The following NCAPH2 variants were observed in gnomAD, a reference collection of about 807,000 sequenced individuals.
NCAPH2 encodes condensin-2 complex subunit H2.
NCAPH2 carries 56 observed loss-of-function variants against 88.6 expected under a neutral mutation model. The ratio of observed to expected loss-of-function variants is 0.63; its 90% CI spans 0.51 to 0.79. The LOEUF (loss-of-function observed/expected upper bound fraction) is 0.79. Among genes scored for constraint, NCAPH2 ranks in the 30% least tolerant of loss-of-function variants. The pLI, the probability that NCAPH2 is intolerant of heterozygous loss-of-function variation, is 0.00. For missense variants in NCAPH2, 794 were observed against 792.0 expected, an observed-to-expected ratio of 1.00 and a Z score of -0.03; for synonymous variants, 378 against 313.6, an observed-to-expected ratio of 1.21 and a Z score of -2.17.
intron 1 of NCAPH2, among the ~76,000 whole-genome samples, chr22:50,514,331 C>A (rs2068860925): frequency 6.6e-6 from 1 of 151,810 alleles, no homozygotes; most frequent in African/African-American, 2.4e-5. Context: ...GCAGGAGGAG[C>A]CCTGTCAGTG....
chr22:50,519,446 G>T (rs1007372790), intron 9 of NCAPH2, 126 bp downstream of exon 9: 2 of 1,462,368 alleles, frequency 1.4e-6, no homozygotes, highest in Non-Finnish European at 1.8e-6. Flanking sequence ...GTCTGGGGCA[G>T]AAGCCCACCT....
At position 50,508,233 on chromosome 22, in the gene NCAPH2, T is replaced by C. The variant is rs2068678108; in HGVS notation, c.-105T>C. 1 of 875,818 alleles carries C rather than the reference T, an allele frequency of 1.1e-6. No individual in the cohort carries two copies. The highest frequency in any genetic ancestry group is 1.8e-5 in the African/African-American group (1 of 54,826). The allele number at this position is 875,818 out of a possible 1,614,324, so 54.3% of individuals were successfully genotyped here. ...GCGACGCCGCGCCTACGCATTTTCC[T>C]GGGCGGGAACAGCAAAATGGCGCCA... On this transcript the variant is annotated 5_prime_UTR_variant, in exon 1 of 20. Coordinates refer to ENST00000420993, the MANE Select transcript of NCAPH2 (RefSeq NM_152299.4).
At chr22:50,515,993 C>T (rs1171083561) in intron 1 of NCAPH2, among the ~76,000 whole-genome samples, 3 of 141,212 alleles carry the variant, frequency 2.1e-5, no homozygotes, top group African/African-American at 8.5e-5. Context: ...GCTGGGGCTC[C>T]GGGAGGCTGA....
intron 1 of NCAPH2, among the ~76,000 whole-genome samples, chr22:50,513,247 G>A (rs1203000301): frequency 1.3e-5 from 2 of 152,248 alleles, no homozygotes; most frequent in African/African-American, 2.4e-5. Context: ...GGCCAGGCGA[G>A]GTGGCTAACG....
At chr22:50,516,414 G>A in intron 1 of NCAPH2, 33 bp from the exon 2 acceptor site, 3 of 1,605,354 alleles carry the variant, frequency 1.9e-6, no homozygotes, top group Non-Finnish European at 1.7e-6. Flanking sequence ...ACTGGGCCTT[G>A]GATTCCCCCT....
Position 50,522,666 on chromosome 22 carries a change from C to T in NCAPH2, c.1376-5C>T, listed in dbSNP as rs778059307. Reference sequence around the variant, plus strand: ...GCTGCCCAGCTCACAGCTACCCCTTCCCAGACGCAGTGCCGATGTCCCTGA... The same window carrying T: ...GCTGCCCAGCTCACAGCTACCCCTTTCCAGACGCAGTGCCGATGTCCCTGA... On this transcript the variant is annotated splice_region_variant and splice_polypyrimidine_tract_variant and intron_variant, in intron 16 of 19. Coordinates refer to ENST00000420993, the MANE Select transcript of NCAPH2 (RefSeq NM_152299.4). 4 of 1,613,740 alleles carry T rather than the reference C, an allele frequency of 2.5e-6. No individual in the cohort carries two copies. The highest frequency in any genetic ancestry group is 3.4e-6 in the Non-Finnish European group (4 of 1,180,006).
chr22:50,512,398 G>T (rs1406469622), intron 1 of NCAPH2, among the ~76,000 whole-genome samples: 1 of 152,136 alleles, frequency 6.6e-6, no homozygotes, highest in Non-Finnish European at 1.5e-5. Flanking sequence ...TCCTGGCTTG[G>T]TCAGCTCCCT....
rs1207930523 is a variant in NCAPH2, at chr22:50,518,057, G to A, written c.500+5G>A. The A allele has an allele frequency of 6.2e-7, 1 of 1,613,922 alleles. No homozygotes were observed. The highest frequency in any genetic ancestry group is 1.7e-5 in the Admixed American group (1 of 59,980). ...GAACAACAATCCCCTGTACAGGTAG[G>A]GATCTGAGCCCAGCGACGGGGAGGG... On this transcript the variant is annotated splice_donor_5th_base_variant and intron_variant, in intron 6 of 19. Coordinates refer to ENST00000420993, the MANE Select transcript of NCAPH2 (RefSeq NM_152299.4).
At chr22:50,521,911 A>T (rs564488119) in intron 12 of NCAPH2, 63 bp downstream of exon 12, 2 of 1,613,234 alleles carry the variant, frequency 1.2e-6, no homozygotes, top group Admixed American at 1.7e-5. Flanking sequence ...GGGCCAGTGG[A>T]GGAGGATCAG....
In NCAPH2 at chr22:50,523,560, C is replaced by G. The variant is rs1230461229; in HGVS notation, c.*185C>G. On this transcript the variant is annotated 3_prime_UTR_variant, in exon 20 of 20. Transcript: ENST00000420993. ...GGGCCGCTGGTACAGATCACACACA[C>G]ACACAGATTAAACGCAGCCCGTTTA... The G allele has an allele frequency of 1.9e-6, 3 of 1,600,448 alleles. No homozygotes were observed. Among genetic ancestry groups the G allele is most frequent in the Admixed American group, 1.7e-5 (1 of 58,590 alleles).
rs748495941 is a variant in NCAPH2, at chr22:50,524,665, CCCTGCA to C, written c.*1300_*1305del. ...ATCACCAGCCTGTCACCGCACCCTG[CCCTGCA>C]CCTGCACCTCAGCAAGGTGAACCTC... On this transcript the variant is annotated 3_prime_UTR_variant, in exon 20 of 20. Transcript: ENST00000420993. The C allele has an allele frequency of 4.1e-5, 28 of 688,710 alleles. 1 individual carries two copies. Among genetic ancestry groups the C allele is most frequent in the Middle Eastern group, 2.3e-4 (1 of 4,294 alleles). The allele number at this position is 688,710 out of a possible 1,614,324, so 42.7% of individuals were successfully genotyped here. A position where few individuals can be genotyped will look rare whatever the true frequency, so the allele number is the denominator to read the frequency against.
chr22:50,523,190 A>C (rs1569521341), intron 19 of NCAPH2, 24 bp downstream of exon 19: 1 of 1,613,608 alleles, frequency 6.2e-7, no homozygotes, highest in Non-Finnish European at 8.5e-7. Context: ...GATACGTGGG[A>C]GGGGGAGACG....
chr22:50,508,461 GAGTGACGCGGGGTGGGCCGGCGGGT>G lies in NCAPH2; in HGVS notation c.108+17_108+41del. 4 of 945,548 alleles carry G rather than the reference GAGTGACGCGGGGTGGGCCGGCGGGT, an allele frequency of 4.2e-6. No individual in the cohort carries two copies. The highest frequency in any genetic ancestry group is 1.9e-5 in the South Asian group (1 of 53,554). The allele number at this position is 945,548 out of a possible 1,614,324, so 58.6% of individuals were successfully genotyped here. A position where few individuals can be genotyped will look rare whatever the true frequency, so the allele number is the denominator to read the frequency against. On this transcript the variant is annotated intron_variant, in intron 1 of 19. Transcript: ENST00000420993. The stretch of plus-strand genomic sequence containing the variant: ...TCTGGAGGAGGTAAGGGCGGCGGGG[GAGTGACGCGGGGTGGGCCGGCGGGT>G]GGGGCTGCGGGGCGGGGGCTCCGGG...
rs1226012359 is a variant in NCAPH2 at position 50,524,743 on chromosome 22, A to C, written c.*1368A>C. 1.3e-5 allele frequency: 7 copies of C among 528,212 alleles called. No homozygotes were observed. The highest frequency in any genetic ancestry group is 9.5e-5 in the East Asian group (2 of 21,022). 32.7% of individuals were successfully genotyped at this position (528,212 alleles called of 1,614,324 possible). A position where few individuals can be genotyped will look rare whatever the true frequency, so the allele number is the denominator to read the frequency against. ...AGTGCATGCCTTGCCTGAACTAACC[A>C]CGTTATCTATTTGCAATAAACCCAT... is the stretch of plus-strand genomic sequence containing the variant. On this transcript the variant is annotated 3_prime_UTR_variant, in exon 20 of 20. Transcript: ENST00000420993.
At chr22:50,513,544 A>G (rs2068841941) in intron 1 of NCAPH2, among the ~76,000 whole-genome samples, 1 of 152,254 alleles carries the variant, frequency 6.6e-6, no homozygotes, top group Non-Finnish European at 1.5e-5. Flanking sequence ...GGATCATTTG[A>G]GGTCAGGAGT....
chr22:50,520,661 C>T (rs1371585663), intron 9 of NCAPH2: 8 of 258,692 alleles, frequency 3.1e-5, no homozygotes, highest in South Asian at 1.2e-4. Context: ...TGGGTTCAAG[C>T]GATTCTCCTG....
intron 1 of NCAPH2, among the ~76,000 whole-genome samples, chr22:50,509,901 C>T (rs1430987852): frequency 1.3e-5 from 2 of 152,010 alleles, no homozygotes; most frequent in African/African-American, 2.4e-5. Context: ...TTTCTGCCCC[C>T]ACTTGGGAAT....
Position 50,522,860 on chromosome 22 carries a change from A to G in NCAPH2, c.1465A>G (p.Thr489Ala), listed in dbSNP as rs760990600. The change falls in exon 18 of 20, where the codon ACA (threonine) becomes GCA (alanine). Residue 489 changes from threonine (T) to alanine (A), a missense_variant. Thr to Ala is a moderately conservative substitution (Grantham distance 58). Around this residue, in one of 2 missense-constraint regions of NCAPH2, gnomAD observed 735 missense variants for 696.3 expected, o/e 1.06. Coordinates refer to ENST00000420993, the MANE Select transcript of NCAPH2 (RefSeq NM_152299.4). ...CACCTCCCAGAAGTTTGTCCAGGAG[A>G]CAGAGCTGAGCCAGCGCATCAGGGA... ...IATSQKFVQE[T>A]ELSQRIRDWE... 3.1e-6 allele frequency: 5 copies of G among 1,613,420 alleles called. No homozygotes were observed. The East Asian group carries it at 8.9e-5, about 29-fold the overall frequency.
At position 50,523,898 on chromosome 22, in the gene NCAPH2, C is replaced by T. The variant is rs2069201879; in HGVS notation, c.*523C>T. The T allele has an allele frequency of 1.2e-6, 2 of 1,613,722 alleles. No homozygotes were observed. Among genetic ancestry groups the T allele is most frequent in the African/African-American group, 1.3e-5 (1 of 74,930 alleles). ...TAGCGGGCCATGGCTTCAACGTCGT[C>T]CCGCTCGGGGTCCACAGTGATGAAG... On this transcript the variant is annotated 3_prime_UTR_variant, in exon 20 of 20. Transcript: ENST00000420993.
Sources: gnomAD v4.1 joint callset for allele counts (sites outside exome capture counted in the v4.1 genomes callset) on GRCh38, gnomAD v4.1.1 for gene constraint, gnomAD v4.1.1 regional missense constraint, MANE v1.5 for transcripts, NCBI Gene and HGNC (gene_info 2026-07-23, HGNC 2026-07-21) for gene names.